DSCAML1: variants seen among roughly 807,000 people sequenced by gnomAD.
DSCAML1 encodes DS cell adhesion molecule like 1, also known as cell adhesion molecule DSCAML1.
DSCAML1 carries 38 observed loss-of-function variants against 200.5 expected under a neutral mutation model. The ratio of observed to expected loss-of-function variants is 0.19; its 90% CI spans 0.15 to 0.25. The LOEUF is 0.25. Among genes scored for constraint, DSCAML1 ranks in the 10% least tolerant of loss-of-function variants. DSCAML1 has a pLI of 1.00. For synonymous variants in DSCAML1, 1,215 were observed against 1,165.0 expected, an observed-to-expected ratio of 1.04 and a Z score of -0.87; for missense variants, 2,223 against 2,858.8, an observed-to-expected ratio of 0.78 and a Z score of 5.07.
intron 1 of DSCAML1, among the ~76,000 whole-genome samples, chr11:117,811,294 C>A (rs1457070081): frequency 1.3e-5 from 2 of 152,178 alleles, no homozygotes; most frequent in South Asian, 2.1e-4. Context: ...AAAAGGCCAT[C>A]TTATTCTCAA....
intron 3 of DSCAML1, among the ~76,000 whole-genome samples, chr11:117,613,035 G>A (rs1262076529): frequency 6.6e-6 from 1 of 152,154 alleles, no homozygotes; most frequent in Non-Finnish European, 1.5e-5. Context: ...ATGGGCTTAT[G>A]AGTGTCCATG....
chr11:117,502,970 C>A (rs554624811), intron 11 of DSCAML1, among the ~76,000 whole-genome samples: 1 of 152,162 alleles, frequency 6.6e-6, no homozygotes. Context: ...CGCTAACACT[C>A]AGGCCCTTAT....
chr11:117,657,866 C>T (rs1252142194), intron 3 of DSCAML1, among the ~76,000 whole-genome samples: 1 of 152,138 alleles, frequency 6.6e-6, no homozygotes, highest in Non-Finnish European at 1.5e-5. Context: ...CAGAGCCTCT[C>T]CATGGCCCGA....
intron 3 of DSCAML1, among the ~76,000 whole-genome samples, chr11:117,559,287 C>T (rs1458560235): frequency 6.6e-6 from 1 of 152,170 alleles, no homozygotes; most frequent in Non-Finnish European, 1.5e-5. Flanking sequence ...TTTCTGAGTC[C>T]CTTCCTGAGG....
At chr11:117,468,573 T>C (rs1313052517) in intron 16 of DSCAML1, among the ~76,000 whole-genome samples, 1 of 152,140 alleles carries the variant, frequency 6.6e-6, no homozygotes, top group Non-Finnish European at 1.5e-5. Flanking sequence ...GCCAAGAGTT[T>C]GGGATTGGAT....
intron 3 of DSCAML1, among the ~76,000 whole-genome samples, chr11:117,700,681 C>T (rs1189427380): frequency 2.0e-5 from 3 of 152,244 alleles, no homozygotes; most frequent in Non-Finnish European, 4.4e-5. Flanking sequence ...AAGGAGTCAG[C>T]TCCCTGGCTG....
chr11:117,728,143 T>C (rs1242365430), intron 3 of DSCAML1, among the ~76,000 whole-genome samples: 2 of 152,196 alleles, frequency 1.3e-5, no homozygotes, highest in Non-Finnish European at 2.9e-5. Flanking sequence ...AATCCATTAA[T>C]GTAATACAAC....
At chr11:117,484,368 T>G (rs568078342) in intron 11 of DSCAML1, among the ~76,000 whole-genome samples, 38 of 152,228 alleles carry the variant, frequency 2.5e-4, no homozygotes, top group African/African-American at 7.5e-4. Context: ...CTCTGCTGCC[T>G]TGTCATGCAG....
intron 6 of DSCAML1, among the ~76,000 whole-genome samples, chr11:117,520,644 G>T (rs1417472380): frequency 3.3e-5 from 5 of 150,838 alleles, no homozygotes; most frequent in Admixed American, 3.3e-4. Context: ...AAAAAGTAAA[G>T]GCCTCAGCCC....
At chr11:117,619,143 G>A (rs1247405783) in intron 3 of DSCAML1, among the ~76,000 whole-genome samples, 2 of 152,202 alleles carry the variant, frequency 1.3e-5, no homozygotes, top group Non-Finnish European at 2.9e-5. Flanking sequence ...AGTCCCATAT[G>A]CTTCCCGTAA....
At position 117,776,807 on chromosome 11, in the gene DSCAML1, T is replaced by C. The variant is rs757930961; in HGVS notation, c.495A>G (p.Thr165=). ...GCTTCTTACCTGGGATGATGGAGAC[T>C]GTGTCTTTCTCCCAAGATACAACGC... ...YVSVVSWEKD[T]VSIIPEHRFF... The change falls in exon 3 of 33, where the codon ACA becomes ACG. Residue 165 remains threonine, a synonymous_variant. Transcript: ENST00000651296. 1.4e-5 allele frequency: 22 copies of C among 1,614,184 alleles called. No homozygotes were observed. Among genetic ancestry groups the C allele is most frequent in the Non-Finnish European group, 1.9e-5 (22 of 1,180,026 alleles).
At chr11:117,799,100 T>A (rs746089429), upstream of DSCAML1, among the ~76,000 whole-genome samples, 16 of 151,888 alleles carry the variant, frequency 1.1e-4, no homozygotes, top group Non-Finnish European at 1.8e-4. Context: ...ACGCAGGGAG[T>A]GACAGAGCCC....
intron 3 of DSCAML1, among the ~76,000 whole-genome samples, chr11:117,585,159 A>C (rs1403013184): frequency 6.6e-6 from 1 of 152,116 alleles, no homozygotes; most frequent in East Asian, 1.9e-4. Flanking sequence ...CCTCATTTTG[A>C]TACTCAGCAA....
At chr11:117,806,362 A>G (rs922020144) in intron 1 of DSCAML1, among the ~76,000 whole-genome samples, 15 of 152,300 alleles carry the variant, frequency 9.8e-5, no homozygotes, top group Admixed American at 4.6e-4. Context: ...TACCCATCTG[A>G]GACACCCACA....
chr11:117,772,723 A>T (rs1277979188), intron 3 of DSCAML1, among the ~76,000 whole-genome samples: 1 of 152,226 alleles, frequency 6.6e-6, no homozygotes, highest in African/African-American at 2.4e-5. Flanking sequence ...GCAGATGGGA[A>T]ATTAAACCAC....
intron 3 of DSCAML1, among the ~76,000 whole-genome samples, chr11:117,542,251 G>T (rs777586280): frequency 6.6e-6 from 1 of 152,064 alleles, no homozygotes; most frequent in Non-Finnish European, 1.5e-5. Flanking sequence ...AGCCGAGATC[G>T]CATGACTGCA....
chr11:117,710,612 G>A (rs111390098), intron 3 of DSCAML1, among the ~76,000 whole-genome samples: 2,134 of 152,286 alleles, frequency 0.014, 48 homozygotes, highest in African/African-American at 0.048. Flanking sequence ...TAACCGCCCC[G>A]TGACTCAGTT....
At chr11:117,708,476 T>C (rs2053790307) in intron 3 of DSCAML1, among the ~76,000 whole-genome samples, 1 of 152,202 alleles carries the variant, frequency 6.6e-6, no homozygotes. Context: ...GCCTCAATTT[T>C]CTCTCCTGTA....
At chr11:117,768,391 A>T (rs1418850401) in intron 3 of DSCAML1, among the ~76,000 whole-genome samples, 1 of 152,132 alleles carries the variant, frequency 6.6e-6, no homozygotes, top group Non-Finnish European at 1.5e-5. Flanking sequence ...CTTTCTCAAG[A>T]TCATAGTTAG....
Sources: allele counts gnomAD v4.1 joint callset (sites outside exome capture counted in the v4.1 genomes callset), GRCh38; gene constraint gnomAD v4.1.1; transcripts MANE v1.5; gene names NCBI Gene and HGNC (gene_info 2026-07-23, HGNC 2026-07-21).